Variants in ERCC6L2 observed in about 807,000 individuals in gnomAD.
ERCC6L2 encodes the protein ERCC excision repair 6 like 2.
In ERCC6L2, 77 loss-of-function variants were observed where a neutral mutation model predicts 132.0. The ratio of observed to expected loss-of-function variants is 0.58; its 90% CI spans 0.49 to 0.71. The LOEUF is 0.71. ERCC6L2 is among the 30% of genes least tolerant of loss of function. The pLI is 0.00. For synonymous variants in ERCC6L2, 583 were observed against 632.4 expected (o/e 0.92, Z 1.17); for missense variants, 1,542 against 1,837.6 (o/e 0.84, Z 2.94).
intron 14 of ERCC6L2, among the ~76,000 whole-genome samples, chr9:95,970,280 C>T (rs138341179): frequency 9.5e-4 from 145 of 152,202 alleles, no homozygotes; most frequent in African/African-American, 3.4e-3. Flanking sequence ...CATTTCTTCA[C>T]TCTCCCTCTT....
rs1346571848 is a variant in ERCC6L2 at position 96,024,867 on chromosome 9, T to G, written c.*1504-14009T>G. ...AGACTCCTAACTCAGTTAATCGCAT[T>G]GCTTCAGTCATTGACCTCATAACCC... On this transcript the variant is annotated intron_variant and NMD_transcript_variant, in intron 19 of 20. Coordinates refer to the ERCC6L2 transcript ENST00000670016. Among the ~76,000 whole-genome samples, 4 of 152,242 alleles carry G rather than the reference T, an allele frequency of 2.6e-5. 1 individual carries two copies. Among genetic ancestry groups the G allele is most frequent in the South Asian group, 4.1e-4 (2 of 4,834 alleles).
At chr9:96,038,052 A>G (rs1213214787) in intron 19 of ERCC6L2, among the ~76,000 whole-genome samples, 2 of 152,058 alleles carry the variant, frequency 1.3e-5, no homozygotes, top group African/African-American at 4.8e-5. Context: ...GAAGTGGGGA[A>G]GAGAGCAGAC....
At chr9:95,925,813 C>A (rs1407814350) in intron 9 of ERCC6L2, among the ~76,000 whole-genome samples, 1 of 151,008 alleles carries the variant, frequency 6.6e-6, no homozygotes, top group Non-Finnish European at 1.5e-5. Context: ...AAACAAACCA[C>A]AGACTGGGAG....
At chr9:95,984,401 T>C (rs894653922) in intron 17 of ERCC6L2, among the ~76,000 whole-genome samples, 1 of 151,604 alleles carries the variant, frequency 6.6e-6, no homozygotes, top group Admixed American at 6.6e-5. Context: ...TAAGCTTTTT[T>C]TCTACCTGGA....
intron 18 of ERCC6L2, chr9:96,004,935 G>A (rs551657678): frequency 3.1e-6 from 1 of 326,070 alleles, no homozygotes; most frequent in Non-Finnish European, 6.0e-6. Context: ...AAATACTTAA[G>A]TGCATTTTAT....
chr9:96,019,578 T>C (rs1473347272), downstream of ERCC6L2, among the ~76,000 whole-genome samples: 2 of 152,146 alleles, frequency 1.3e-5, no homozygotes, highest in Non-Finnish European at 2.9e-5. Context: ...ACCTGCCCAC[T>C]GTTGCCTGAG....
At chr9:95,952,060 C>T (rs1831357694) in intron 12 of ERCC6L2, among the ~76,000 whole-genome samples, 1 of 149,160 alleles carries the variant, frequency 6.7e-6, no homozygotes, top group African/African-American at 2.5e-5. Flanking sequence ...CCCAGCTACT[C>T]GGGAGGCTGA....
chr9:95,907,262 A>C lies in ERCC6L2; in HGVS notation c.779A>C (p.Glu260Ala). The C allele has an allele frequency of 6.2e-7, 1 of 1,609,040 alleles. No homozygotes were observed. The highest frequency in any genetic ancestry group is 8.5e-7 in the Non-Finnish European group (1 of 1,177,856). ...GAAACACTACGCTTATGCCTGGATG[A>C]ACTTAACAGGTAATGGGAATAATAG... Reference protein sequence around the residue: ...TYETLRLCLDELNSLEWSAVI... With the variant: ...TYETLRLCLDALNSLEWSAVI... The change falls in exon 4 of 19, where the codon GAA becomes GCA. Residue 260 changes from glutamate to alanine, a missense_variant. Physicochemically the swap from Glu to Ala is moderately radical, Grantham distance 107. Transcript: ENST00000653738.
At chr9:95,905,595 G>A (rs1295156769) in intron 3 of ERCC6L2, among the ~76,000 whole-genome samples, 1 of 152,152 alleles carries the variant, frequency 6.6e-6, no homozygotes, top group African/African-American at 2.4e-5. Flanking sequence ...ATATTTGAAA[G>A]TTAAAAATGG....
intron 12 of ERCC6L2, among the ~76,000 whole-genome samples, chr9:95,953,590 CAATG>C (rs1350601974): frequency 7.1e-6 from 1 of 141,356 alleles, no homozygotes; most frequent in African/African-American, 2.6e-5. Flanking sequence ...AAAAAAAAAA[CAATG>C]AAATTACTGT....
At chr9:95,926,026 A>G (rs944333808) in intron 9 of ERCC6L2, among the ~76,000 whole-genome samples, 2 of 152,194 alleles carry the variant, frequency 1.3e-5, no homozygotes, top group African/African-American at 2.4e-5. Context: ...GCAAATTAAA[A>G]CAGCAAGGAG....
At chr9:96,026,802 TACC>T (rs1211406858) in intron 19 of ERCC6L2, among the ~76,000 whole-genome samples, 4 of 31,312 alleles carry the variant, frequency 1.3e-4, no homozygotes, top group Non-Finnish European at 2.2e-4. Flanking sequence ...CCCACACACA[TACC>T]ACAACACACA....
intron 16 of ERCC6L2, among the ~76,000 whole-genome samples, chr9:95,973,400 G>A (rs188611957): frequency 2.6e-5 from 4 of 152,234 alleles, no homozygotes; most frequent in African/African-American, 7.2e-5. Context: ...ATCACCAAAT[G>A]TGCATCCCCA....
rs1471465217 is a variant in ERCC6L2 at position 95,888,786 on chromosome 9, G to A, written c.471+7493G>A. On this transcript the variant is annotated intron_variant, in intron 2 of 18. Transcript: ENST00000653738. ...AGTGATGAGTGCCATTTATAGTCCT[G>A]GTCCATAAAATCCACCTGTGCTGTT... Among the ~76,000 whole-genome samples the A allele has an allele frequency of 4.6e-5, 7 of 152,058 alleles. No homozygotes were observed. The East Asian group carries it at 1.2e-3, about 25-fold the overall frequency.
chr9:95,879,396 TAA>T (rs1419478555), intron 1 of ERCC6L2, among the ~76,000 whole-genome samples: 2 of 152,182 alleles, frequency 1.3e-5, no homozygotes, highest in Non-Finnish European at 2.9e-5. Flanking sequence ...GATAATAAAA[TAA>T]GTCTTAAGAA....
At chr9:96,040,254 C>G (rs1184559869) in intron 20 of ERCC6L2, among the ~76,000 whole-genome samples, 1 of 152,034 alleles carries the variant, frequency 6.6e-6, no homozygotes, top group African/African-American at 2.4e-5. Flanking sequence ...TCCTTGTCCC[C>G]TTTTTCTGGG....
rs1003720302 is a variant in ERCC6L2 at position 95,971,976 on chromosome 9, C to G, written c.2225C>G (p.Ala742Gly). The change falls in exon 16 of 19, where the codon GCT becomes GGT. Residue 742 changes from alanine to glycine, a missense_variant. Ala to Gly is a moderately conservative substitution (Grantham distance 60). Coordinates refer to ENST00000653738, the MANE Select transcript of ERCC6L2 (RefSeq NM_020207.7). Reference protein sequence around the residue: ...DCQECRGTEQAAEPLAKEACD... With the variant: ...DCQECRGTEQGAEPLAKEACD... ...CAGGAATGCAGAGGTACAGAACAAG[C>G]TGCAGAGCCACTGGCAAAGGAAGCA... 11 of 1,303,898 alleles carry G rather than the reference C, an allele frequency of 8.4e-6. No homozygotes were observed. The African/African-American group carries it at 1.4e-4, about 16-fold the overall frequency. The allele number at this position is 1,303,898 out of a possible 1,614,324, so 80.8% of individuals were successfully genotyped here.
chr9:95,999,343 A>C (rs1833577473), intron 17 of ERCC6L2, among the ~76,000 whole-genome samples: 1 of 150,770 alleles, frequency 6.6e-6, no homozygotes, highest in Non-Finnish European at 1.5e-5. Context: ...CCTGGGCGAG[A>C]GAGTGAGACT....
At chr9:95,965,836 C>T (rs959935425) in intron 13 of ERCC6L2, among the ~76,000 whole-genome samples, 1 of 152,180 alleles carries the variant, frequency 6.6e-6, no homozygotes, top group African/African-American at 2.4e-5. Context: ...TTACTGATTT[C>T]TCCGTCAGTG....
Sources: allele counts gnomAD v4.1 joint callset (sites outside exome capture counted in the v4.1 genomes callset), GRCh38; gene constraint gnomAD v4.1.1; transcripts MANE v1.5; gene names NCBI Gene and HGNC (gene_info 2026-07-23, HGNC 2026-07-21).